FAXC: variants seen among roughly 807,000 people sequenced by gnomAD.
FAXC encodes the protein failed axon connections homolog.
Under a neutral mutation model 41.9 loss-of-function variants are expected in FAXC, and 10 were observed. The ratio of observed to expected loss-of-function variants is 0.24; its 90% CI spans 0.15 to 0.41. The LOEUF (loss-of-function observed/expected upper bound fraction) is 0.41. FAXC is among the 10% of genes least tolerant of loss of function. The probability of loss-of-function intolerance (pLI) is 1.00; values close to 1 mark genes in which losing one functional copy is unlikely to be tolerated. For synonymous variants in FAXC, 183 were observed against 183.8 expected, an observed-to-expected ratio of 1.00 and a Z score of 0.03; for missense variants, 399 against 510.9, an observed-to-expected ratio of 0.78 and a Z score of 2.11.
At chr6:99,310,910 G>T (rs1018682260) in intron 4 of FAXC, among the ~76,000 whole-genome samples, 2 of 152,118 alleles carry the variant, frequency 1.3e-5, no homozygotes, top group Non-Finnish European at 2.9e-5. Flanking sequence ...AGATGAGGTG[G>T]GCATCTCTAT....
intron 1 of FAXC, among the ~76,000 whole-genome samples, chr6:99,347,005 T>A (rs1422592848): frequency 2.6e-5 from 4 of 152,156 alleles, no homozygotes; most frequent in Non-Finnish European, 5.9e-5. Context: ...CTCACACCTA[T>A]AAACCCAACA....
At chr6:99,331,012 G>C (rs547829280) in intron 3 of FAXC, among the ~76,000 whole-genome samples, 1 of 152,300 alleles carries the variant, frequency 6.6e-6, no homozygotes, top group South Asian at 2.1e-4. Context: ...CCCAAAGCAA[G>C]AAGTTGGCTA....
At chr6:99,283,309 A>AT (rs1770904517) in intron 5 of FAXC, among the ~76,000 whole-genome samples, 1 of 152,152 alleles carries the variant, frequency 6.6e-6, no homozygotes, top group African/African-American at 2.4e-5. Flanking sequence ...TTCTTTCAGT[A>AT]TTTTTTCTAT....
At chr6:99,332,827 G>A (rs533670409) in intron 3 of FAXC, among the ~76,000 whole-genome samples, 12 of 152,236 alleles carry the variant, frequency 7.9e-5, no homozygotes, top group Non-Finnish European at 1.6e-4. Flanking sequence ...AGTTTATACA[G>A]TATTGGTAAA....
At chr6:99,294,870 G>A (rs1336072530) in intron 4 of FAXC, among the ~76,000 whole-genome samples, 1 of 152,166 alleles carries the variant, frequency 6.6e-6, no homozygotes, top group African/African-American at 2.4e-5. Flanking sequence ...CGCATATAAT[G>A]TCTGGCCAAA....
intron 4 of FAXC, among the ~76,000 whole-genome samples, chr6:99,303,382 C>A (rs576585136): frequency 6.6e-6 from 1 of 152,248 alleles, no homozygotes; most frequent in South Asian, 2.1e-4. Context: ...TAATACCTTG[C>A]CCTTAAATAT....
At chr6:99,321,614 C>T (rs1772589901) in intron 4 of FAXC, among the ~76,000 whole-genome samples, 1 of 152,228 alleles carries the variant, frequency 6.6e-6, no homozygotes, top group Non-Finnish European at 1.5e-5. Context: ...AGCTTCTCAT[C>T]CCAGAAAATC....
intron 4 of FAXC, among the ~76,000 whole-genome samples, chr6:99,315,645 C>T (rs570952494): frequency 1.3e-5 from 2 of 152,316 alleles, no homozygotes; most frequent in South Asian, 2.1e-4. Flanking sequence ...AAAATAACAT[C>T]GCAGTTTCCA....
intron 4 of FAXC, among the ~76,000 whole-genome samples, chr6:99,321,502 T>C (rs1020418309): frequency 6.6e-5 from 10 of 152,138 alleles, no homozygotes; most frequent in African/African-American, 1.4e-4. Flanking sequence ...TCCCCAAATA[T>C]AGAAAAAGTG....
rs1370000645 is a variant in FAXC at position 99,348,854 on chromosome 6, AACG to A, written c.266+250_266+252del. Among the ~76,000 whole-genome samples, 15 of 152,346 alleles carry A rather than the reference AACG, an allele frequency of 9.8e-5. No homozygotes were observed. In the South Asian group the frequency reaches 2.1e-3, roughly 21 times the overall value. ...CTCCTAAGGCCATTTCTTAATAGAT[AACG>A]ACAAGTGACCCAGAGCATTTTGGGA... On this transcript the variant is annotated intron_variant, in intron 1 of 5. Transcript: ENST00000389677.
At chr6:99,337,860 G>A (rs1327433672) in intron 2 of FAXC, among the ~76,000 whole-genome samples, 2 of 151,986 alleles carry the variant, frequency 1.3e-5, no homozygotes, top group East Asian at 3.9e-4. Context: ...ATTCCATTTA[G>A]GTTAAAAAAT....
chr6:99,319,267 C>T (rs1772497657), intron 4 of FAXC, among the ~76,000 whole-genome samples: 1 of 152,134 alleles, frequency 6.6e-6, no homozygotes, highest in Non-Finnish European at 1.5e-5. Context: ...GACATGGTGG[C>T]GGGCGCCTGT....
At chr6:99,294,601 A>G (rs1353918836) in intron 4 of FAXC, among the ~76,000 whole-genome samples, 1 of 152,194 alleles carries the variant, frequency 6.6e-6, no homozygotes, top group Admixed American at 6.5e-5. Context: ...TTTAAGAGCA[A>G]CAATGGCTTC....
In FAXC at chr6:99,300,229, G is replaced by T. The variant is rs138133263; in HGVS notation, c.824-8409C>A. ...GTTGTGTATCCTCCTCTGTACTTTG[G>T]TCCTCTATTAATGTGTCTGAACACC... On this transcript the variant is annotated intron_variant, in intron 4 of 5. Transcript: ENST00000389677. Among the ~76,000 whole-genome samples the T allele has an allele frequency of 2.0e-5, 3 of 152,176 alleles. No individual in the cohort carries two copies. In the East Asian group the frequency reaches 5.8e-4, roughly 29 times the overall value.
chr6:99,312,556 GAAGA>G (rs1481353332), intron 4 of FAXC, among the ~76,000 whole-genome samples: 4 of 152,182 alleles, frequency 2.6e-5, no homozygotes, highest in Non-Finnish European at 4.4e-5. Flanking sequence ...ACTCCCAGCT[GAAGA>G]AAGGGAAAGT....
chr6:99,318,321 G>A (rs1262712855), intron 4 of FAXC, among the ~76,000 whole-genome samples: 15 of 121,412 alleles, frequency 1.2e-4, no homozygotes, highest in East Asian at 2.5e-4. Flanking sequence ...TAGAAGAAAT[G>A]GAAAATATAT....
intron 4 of FAXC, among the ~76,000 whole-genome samples, chr6:99,310,103 T>C (rs537427023): frequency 6.6e-6 from 1 of 152,162 alleles, no homozygotes; most frequent in Non-Finnish European, 1.5e-5. Flanking sequence ...AAAAATAGCA[T>C]CTAAAATTTA....
rs1255572584 is a variant in FAXC, at chr6:99,279,677, C to T, written c.*1487G>A. On this transcript the variant is annotated 3_prime_UTR_variant, in exon 6 of 6. Coordinates refer to ENST00000389677, the MANE Select transcript of FAXC (RefSeq NM_032511.4). The stretch of plus-strand genomic sequence containing the variant: ...CCCTGGAAAATGTCCTAAGTCAAAA[C>T]AACAACAACAACAACAACTTCATCT... 3 of 151,894 alleles carry T rather than the reference C, an allele frequency of 2.0e-5. No homozygotes were observed. Among genetic ancestry groups the T allele is most frequent in the African/African-American group, 7.3e-5 (3 of 41,276 alleles). The allele number at this position is 151,894 out of a possible 1,614,324, so 9.4% of individuals were successfully genotyped here. A position where few individuals can be genotyped will look rare whatever the true frequency, so the allele number is the denominator to read the frequency against.
chr6:99,333,207 T>A, intron 3 of FAXC, 144 bp downstream of exon 3: 3 of 669,356 alleles, frequency 4.5e-6, no homozygotes, highest in Non-Finnish European at 7.4e-6. Context: ...TTCACAGTCA[T>A]AATAACTTTG....
Sources: allele counts gnomAD v4.1 joint callset (sites outside exome capture counted in the v4.1 genomes callset), GRCh38; gene constraint gnomAD v4.1.1; transcripts MANE v1.5; gene names NCBI Gene and HGNC (gene_info 2026-07-23, HGNC 2026-07-21).